The following PTPRZ1 variants were observed in gnomAD, a reference collection of about 807,000 sequenced individuals.
PTPRZ1 encodes the protein protein tyrosine phosphatase receptor type Z1.
In PTPRZ1, 82 loss-of-function variants were observed where a neutral mutation model predicts 214.1. That is an observed-to-expected ratio of 0.38 (90% CI 0.32 to 0.46). The LOEUF (loss-of-function observed/expected upper bound fraction) is 0.46. Ranked by LOEUF, PTPRZ1 falls within the 20% of genes least tolerant of loss-of-function variation. The probability of loss-of-function intolerance (pLI) is 1.00; values close to 1 mark genes in which losing one functional copy is unlikely to be tolerated. For synonymous variants in PTPRZ1, 945 were observed against 987.9 expected (o/e 0.96, Z 0.81); for missense variants, 2,603 against 2,748.7 (o/e 0.95, Z 1.19).
intron 26 of PTPRZ1, 146 bp from the exon 27 acceptor site, chr7:122,054,795 C>T (rs74644038): frequency 3.2e-5 from 24 of 761,710 alleles, no homozygotes; most frequent in African/African-American, 1.3e-4. Flanking sequence ...GTTGAAGGCA[C>T]GAGAAAGATG....
intron 2 of PTPRZ1, among the ~76,000 whole-genome samples, chr7:121,962,276 G>C (rs1194752606): frequency 6.6e-6 from 1 of 151,798 alleles, no homozygotes; most frequent in African/African-American, 2.4e-5. Flanking sequence ...GTGAAACCCT[G>C]TTTCTACTAA....
intron 22 of PTPRZ1, among the ~76,000 whole-genome samples, chr7:122,043,848 T>C (rs1358936535): frequency 6.6e-6 from 1 of 152,082 alleles, no homozygotes; most frequent in Non-Finnish European, 1.5e-5. Flanking sequence ...AAATAGTCTA[T>C]ACAACAAACC....
At position 121,984,121 on chromosome 7, in the gene PTPRZ1, T is replaced by C. The variant is rs759352973; in HGVS notation, c.928+4T>C. On this transcript the variant is annotated splice_donor_region_variant and intron_variant, in intron 8 of 29. Transcript: ENST00000393386. ...AAGGAAGAGATTCATGAAGCAGGTA[T>C]GTATTTAAATATAATCTTCTACAAC... is the stretch of plus-strand genomic sequence containing the variant. 31 of 1,608,682 alleles carry C rather than the reference T, an allele frequency of 1.9e-5. No homozygotes were observed. The highest frequency in any genetic ancestry group is 2.5e-5 in the Non-Finnish European group (29 of 1,177,050).
intron 13 of PTPRZ1, among the ~76,000 whole-genome samples, chr7:122,027,843 G>A (rs530943467): frequency 2.1e-4 from 32 of 152,144 alleles, no homozygotes; most frequent in Admixed American, 7.2e-4. Context: ...ATTCATTCTC[G>A]AAACCCTCAT....
chr7:121,887,222 C>T (rs368836764), intron 1 of PTPRZ1, among the ~76,000 whole-genome samples: 1 of 152,110 alleles, frequency 6.6e-6, no homozygotes, highest in Non-Finnish European at 1.5e-5. Flanking sequence ...ACTTCTTGCT[C>T]ATATAGTAGG....
chr7:122,015,508 GAATGAAT>G (rs1270820150), intron 12 of PTPRZ1, among the ~76,000 whole-genome samples: 1 of 152,046 alleles, frequency 6.6e-6, no homozygotes, highest in African/African-American at 2.4e-5. Context: ...TGATATGTGA[GAATGAAT>G]AATGAATCCA....
chr7:121,996,379 A>G lies in PTPRZ1; in HGVS notation c.929-3A>G. 6.3e-7 allele frequency: 1 copy of G among 1,588,986 alleles called. No homozygotes were observed. Among genetic ancestry groups the G allele is most frequent in the Non-Finnish European group, 8.6e-7 (1 of 1,167,706 alleles). On this transcript the variant is annotated splice_polypyrimidine_tract_variant and splice_region_variant and intron_variant, in intron 8 of 29. Transcript: ENST00000393386. ...CAACAACTGTACTTTTTTCTCTCTG[A>G]AGTTTGTAGTTCAGAACCAGAAAAT...
intron 2 of PTPRZ1, among the ~76,000 whole-genome samples, chr7:121,963,619 T>C (rs955654002): frequency 1.3e-5 from 2 of 152,096 alleles, no homozygotes; most frequent in African/African-American, 4.8e-5. Flanking sequence ...AGGGGTGTGG[T>C]TTTTACTATT....
At chr7:121,873,637 T>C in intron 1 of PTPRZ1, 80 bp downstream of exon 1, 1 of 1,522,712 alleles carries the variant, frequency 6.6e-7, no homozygotes, top group Non-Finnish European at 9.0e-7. Context: ...TGTCCGCGAC[T>C]TGCCGCCGCC....
chr7:122,051,561 A>G, intron 24 of PTPRZ1, 40 bp downstream of exon 24: 1 of 1,531,090 alleles, frequency 6.5e-7, no homozygotes, highest in Non-Finnish European at 9.0e-7. Flanking sequence ...CTTTTTTAAA[A>G]TAATAAAAGC....
intron 2 of PTPRZ1, among the ~76,000 whole-genome samples, chr7:121,939,479 A>T (rs950005105): frequency 6.6e-6 from 1 of 152,218 alleles, no homozygotes; most frequent in Non-Finnish European, 1.5e-5. Context: ...AATAAATGAC[A>T]TGTAGTTTTT....
Position 122,049,352 on chromosome 7 carries a change from T to C in PTPRZ1, c.6085-2076T>C, listed in dbSNP as rs552588590. 9.2e-5 allele frequency among the ~76,000 whole-genome samples: 14 copies of C among 152,114 alleles called. 1 individual carries two copies. The Middle Eastern group carries it at 0.011, about 119-fold the overall frequency. ...GAAATAGAATTAAACTAGATAGATG[T>C]ATAAAGGTAGAAAAGGATTTGCAGA... On this transcript the variant is annotated intron_variant, in intron 23 of 29. Transcript: ENST00000393386.
chr7:121,969,592 G>T (rs983642808), intron 3 of PTPRZ1, among the ~76,000 whole-genome samples: 2 of 150,140 alleles, frequency 1.3e-5, no homozygotes, highest in East Asian at 2.0e-4. Context: ...TCTCATGAAA[G>T]TAGAGATTTT....
intron 9 of PTPRZ1, among the ~76,000 whole-genome samples, chr7:121,997,249 C>T (rs1395907382): frequency 6.6e-6 from 1 of 152,080 alleles, no homozygotes; most frequent in Non-Finnish European, 1.5e-5. Flanking sequence ...GGACACTGGA[C>T]TCTGCACTCA....
At chr7:121,924,630 G>T (rs1307087868) in intron 1 of PTPRZ1, among the ~76,000 whole-genome samples, 2 of 152,094 alleles carry the variant, frequency 1.3e-5, no homozygotes, top group Admixed American at 1.3e-4. Context: ...TTCTGCTGAT[G>T]TTTTGCTGTT....
At chr7:121,945,240 G>T (rs1161871242) in intron 2 of PTPRZ1, among the ~76,000 whole-genome samples, 1 of 152,056 alleles carries the variant, frequency 6.6e-6, no homozygotes, top group Non-Finnish European at 1.5e-5. Flanking sequence ...AAATAACAGA[G>T]AACAAATATC....
At chr7:122,058,994 G>C in intron 28 of PTPRZ1, 52 bp downstream of exon 28, 2 of 1,471,654 alleles carry the variant, frequency 1.4e-6, no homozygotes, top group Non-Finnish European at 1.9e-6. Context: ...CTGGGCATAT[G>C]TATATTTCTG....
intron 13 of PTPRZ1, among the ~76,000 whole-genome samples, chr7:122,021,918 G>C (rs1799028700): frequency 6.6e-6 from 1 of 152,106 alleles, no homozygotes; most frequent in African/African-American, 2.4e-5. Flanking sequence ...TCATATGCTA[G>C]GGGTATTATG....
chr7:121,978,279 T>C (rs1045152652), intron 6 of PTPRZ1, among the ~76,000 whole-genome samples: 1 of 152,204 alleles, frequency 6.6e-6, no homozygotes, highest in Non-Finnish European at 1.5e-5. Flanking sequence ...TTGGATTAGC[T>C]GAGGACGGAT....
Sources: allele counts gnomAD v4.1 joint callset (sites outside exome capture counted in the v4.1 genomes callset), GRCh38; gene constraint gnomAD v4.1.1; transcripts MANE v1.5; gene names NCBI Gene and HGNC (gene_info 2026-07-23, HGNC 2026-07-21).